PTPRD: variants seen among roughly 807,000 people sequenced by gnomAD.
PTPRD encodes protein tyrosine phosphatase receptor type D, also known as receptor-type tyrosine-protein phosphatase delta.
PTPRD carries 34 observed loss-of-function variants against 214.5 expected under a neutral mutation model. The observed-to-expected ratio is 0.16, with a 90% CI of 0.12 to 0.21. The LOEUF (loss-of-function observed/expected upper bound fraction) is 0.21. PTPRD is among the 10% of genes least tolerant of loss of function. The pLI, the probability that PTPRD is intolerant of heterozygous loss-of-function variation, is 1.00. For synonymous variants in PTPRD, 1,128 were observed against 845.7 expected (o/e 1.33, Z -5.79); for missense variants, 2,545 against 2,398.7 (o/e 1.06, Z -1.27).
At chr9:8,389,050 G>A (rs2088429888) in intron 37 of PTPRD, among the ~76,000 whole-genome samples, 182 bp downstream of exon 37, 1 of 140,670 alleles carries the variant, frequency 7.1e-6, no homozygotes, top group African/African-American at 2.6e-5. Context: ...TTTCTTTTGT[G>A]AAAACACCCA....
At chr9:8,771,891 C>A (rs1381229051) in intron 11 of PTPRD, among the ~76,000 whole-genome samples, 3 of 151,544 alleles carry the variant, frequency 2.0e-5, no homozygotes, top group African/African-American at 7.3e-5. Flanking sequence ...ACGCAGTGTA[C>A]CTCACGCAGA....
At chr9:8,721,625 G>A (rs889608958) in intron 12 of PTPRD, among the ~76,000 whole-genome samples, 3 of 151,976 alleles carry the variant, frequency 2.0e-5, no homozygotes, top group Non-Finnish European at 4.4e-5. Flanking sequence ...CTATGTGCAA[G>A]GCATAGTACT....
intron 9 of PTPRD, among the ~76,000 whole-genome samples, chr9:9,360,058 G>T (rs4742589): frequency 0.24 from 36,581 of 150,906 alleles, 5,747 homozygotes; most frequent in African/African-American, 0.43. Context: ...GTGTTTTCAT[G>T]GCAGAAGTCA....
intron 5 of PTPRD, among the ~76,000 whole-genome samples, chr9:9,836,853 G>A (rs1164401036): frequency 1.3e-5 from 2 of 152,068 alleles, no homozygotes; most frequent in Non-Finnish European, 2.9e-5. Flanking sequence ...CCATGTAATG[G>A]TTCAATAAAT....
chr9:10,048,126 T>C (rs1173334150), intron 3 of PTPRD, among the ~76,000 whole-genome samples: 1 of 152,164 alleles, frequency 6.6e-6, no homozygotes, highest in African/African-American at 2.4e-5. Flanking sequence ...AGACAGATAT[T>C]TGCCACATTT....
Position 10,504,623 on chromosome 9 carries a change from G to A in PTPRD, c.-600+107775C>T, listed in dbSNP as rs576841508. Among the ~76,000 whole-genome samples, 12 of 152,140 alleles carry A rather than the reference G, an allele frequency of 7.9e-5. No homozygotes were observed. In the South Asian group the frequency reaches 1.0e-3, roughly 13 times the overall value. On this transcript the variant is annotated intron_variant, in intron 2 of 45. Transcript: ENST00000381196. Reference sequence around the variant, plus strand: ...TTTACATAGCAACTCTTCCGAATTCGTCAATTGCACAACCCTATGAGGTAA... The same window carrying A: ...TTTACATAGCAACTCTTCCGAATTCATCAATTGCACAACCCTATGAGGTAA...
chr9:9,368,395 T>C (rs1405466137), intron 9 of PTPRD, among the ~76,000 whole-genome samples: 3 of 151,848 alleles, frequency 2.0e-5, no homozygotes, highest in South Asian at 2.1e-4. Context: ...ATTCATTCCT[T>C]GTTAGGAATC....
intron 8 of PTPRD, among the ~76,000 whole-genome samples, chr9:9,517,450 A>G (rs2096865445): frequency 6.6e-6 from 1 of 152,118 alleles, no homozygotes; most frequent in African/African-American, 2.4e-5. Flanking sequence ...GAAAAGCTAG[A>G]GTTAATTAAA....
At chr9:8,510,195 G>C (rs974166048) in intron 21 of PTPRD, among the ~76,000 whole-genome samples, 1 of 152,084 alleles carries the variant, frequency 6.6e-6, no homozygotes, top group Non-Finnish European at 1.5e-5. Flanking sequence ...GGGAGGCTGA[G>C]GTGAGAGGAT....
At chr9:10,091,800 C>T (rs144378976) in intron 3 of PTPRD, among the ~76,000 whole-genome samples, 1 of 151,288 alleles carries the variant, frequency 6.6e-6, no homozygotes, top group Non-Finnish European at 1.5e-5. Context: ...AGAAGCAAGG[C>T]AGGCATCCAG....
chr9:8,891,438 A>ATT (rs201289782), intron 11 of PTPRD, among the ~76,000 whole-genome samples: 2,786 of 145,370 alleles, frequency 0.019, 37 homozygotes, highest in Middle Eastern at 0.04. Context: ...GGTCAATCTA[A>ATT]TTTTTTTTTT....
At position 10,449,021 on chromosome 9, in the gene PTPRD, T is replaced by G. The variant is rs372201600; in HGVS notation, c.-599-108004A>C. 3.6e-4 allele frequency among the ~76,000 whole-genome samples: 54 copies of G among 151,996 alleles called. 1 individual carries two copies. Among genetic ancestry groups the G allele is most frequent in the African/African-American group, 1.3e-3 (52 of 41,290 alleles). On this transcript the variant is annotated intron_variant, in intron 2 of 45. Coordinates refer to ENST00000381196, the MANE Select transcript of PTPRD (RefSeq NM_002839.4). ...TAATTTTAAATTGTACCCTAGAACTTAAAGTATAATAAAAAAAGATTCTCT... is the reference window on the plus strand; with the variant it reads ...TAATTTTAAATTGTACCCTAGAACTGAAAGTATAATAAAAAAAGATTCTCT...
At chr9:9,254,253 T>C (rs564694106) in intron 9 of PTPRD, among the ~76,000 whole-genome samples, 4 of 152,040 alleles carry the variant, frequency 2.6e-5, no homozygotes, top group Admixed American at 6.6e-5. Flanking sequence ...GGAATTCTAT[T>C]AGAACAAAAA....
At chr9:8,650,643 G>A (rs1259451473) in intron 12 of PTPRD, among the ~76,000 whole-genome samples, 1 of 151,686 alleles carries the variant, frequency 6.6e-6, no homozygotes, top group Non-Finnish European at 1.5e-5. Context: ...AAATGAAACA[G>A]TGACTTAAAA....
At chr9:9,940,811 C>T (rs542436531) in intron 4 of PTPRD, among the ~76,000 whole-genome samples, 2 of 152,284 alleles carry the variant, frequency 1.3e-5, no homozygotes, top group East Asian at 1.9e-4. Flanking sequence ...TCTCTTCCTA[C>T]ATTTCAACCC....
chr9:8,879,308 T>C (rs1378898427), intron 11 of PTPRD, among the ~76,000 whole-genome samples: 8 of 152,140 alleles, frequency 5.3e-5, no homozygotes, highest in Non-Finnish European at 1.0e-4. Flanking sequence ...TGCTGAGCAT[T>C]AGTGGAGAGG....
At position 8,568,068 on chromosome 9, in the gene PTPRD, T is replaced by G. The variant is rs1435290482; in HGVS notation, c.353-39289A>C. 2.0e-5 allele frequency among the ~76,000 whole-genome samples: 3 copies of G among 152,274 alleles called. No homozygotes were observed. The East Asian group carries it at 5.8e-4, about 29-fold the overall frequency. On this transcript the variant is annotated intron_variant, in intron 14 of 45. Transcript: ENST00000381196. ...ATCAGAGGCTGACAGTTACAGGCAA[T>G]CCATTATAATAGAAAGAGAAACATG...
At chr9:9,722,250 C>T (rs1235844908) in intron 7 of PTPRD, among the ~76,000 whole-genome samples, 1 of 151,968 alleles carries the variant, frequency 6.6e-6, no homozygotes, top group Non-Finnish European at 1.5e-5. Context: ...TCTTCTTCTT[C>T]CTCAGCTCTT....
intron 3 of PTPRD, among the ~76,000 whole-genome samples, chr9:10,245,329 G>A (rs2091898816): frequency 6.6e-6 from 1 of 152,134 alleles, no homozygotes; most frequent in South Asian, 2.1e-4. Context: ...GCCATATAGT[G>A]CGTAGGTAAT....
Sources: gnomAD v4.1 joint callset for allele counts (sites outside exome capture counted in the v4.1 genomes callset) on GRCh38, gnomAD v4.1.1 for gene constraint, MANE v1.5 for transcripts, NCBI Gene and HGNC (gene_info 2026-07-23, HGNC 2026-07-21) for gene names.